The following VWA8 variants were observed in gnomAD, a reference collection of about 807,000 sequenced individuals.
The protein encoded by VWA8 is von Willebrand factor A domain containing 8.
In VWA8, 221 loss-of-function variants were observed where a neutral mutation model predicts 241.5. The observed-to-expected ratio is 0.91, with a 90% confidence interval of 0.82 to 1.02. The LOEUF (loss-of-function observed/expected upper bound fraction) is 1.02. Among genes scored for constraint, VWA8 ranks in the 50% least tolerant of loss-of-function variants. The probability of loss-of-function intolerance (pLI) is 0.00; values close to 1 mark genes in which losing one functional copy is unlikely to be tolerated. For missense variants in VWA8, 2,322 were observed against 2,328.7 expected (o/e 1.00, Z 0.06); for synonymous variants, 852 against 827.1 (o/e 1.03, Z -0.52).
chr13:41,944,833 A>AACC (rs1593888231), intron 2 of VWA8, among the ~76,000 whole-genome samples: 1 of 130,738 alleles, frequency 7.6e-6, no homozygotes, highest in East Asian at 2.4e-4. Flanking sequence ...TGTCAAAAAA[A>AACC]ATCAACAATT....
At chr13:41,764,813 G>A (rs75088064) in intron 20 of VWA8, among the ~76,000 whole-genome samples, 24,664 of 151,982 alleles carry the variant, frequency 0.16, 2,131 homozygotes, top group Non-Finnish European at 0.2. Context: ...CCACTTAAAA[G>A]AGTTAGAACT....
chr13:41,834,041 T>C (rs1871605963), intron 12 of VWA8, among the ~76,000 whole-genome samples: 1 of 152,206 alleles, frequency 6.6e-6, no homozygotes, highest in Non-Finnish European at 1.5e-5. Flanking sequence ...ACCATCACAA[T>C]GACTCATTTT....
chr13:41,639,520 C>T (rs1257467161), intron 37 of VWA8, among the ~76,000 whole-genome samples: 21 of 152,164 alleles, frequency 1.4e-4, no homozygotes, highest in Non-Finnish European at 2.6e-4. Context: ...CCTGTAGGCA[C>T]CTTAAAGGCT....
At chr13:41,897,546 A>G (rs1455480026) in intron 4 of VWA8, among the ~76,000 whole-genome samples, 1 of 152,232 alleles carries the variant, frequency 6.6e-6, no homozygotes, top group Non-Finnish European at 1.5e-5. Context: ...CAATATATGG[A>G]CTGAATAGAT....
At chr13:41,631,961 C>T (rs916056864) in intron 37 of VWA8, among the ~76,000 whole-genome samples, 1 of 152,108 alleles carries the variant, frequency 6.6e-6, no homozygotes, top group Non-Finnish European at 1.5e-5. Context: ...ATGGGTAGGG[C>T]AAGCTGTCAG....
At chr13:41,601,930 C>A (rs760615473) in intron 40 of VWA8, among the ~76,000 whole-genome samples, 1 of 152,074 alleles carries the variant, frequency 6.6e-6, no homozygotes, top group Admixed American at 6.6e-5. Context: ...AAACTTTGTG[C>A]CGTTCACCAA....
At chr13:41,676,267 G>T (rs746529721) in intron 35 of VWA8, among the ~76,000 whole-genome samples, 6 of 152,092 alleles carry the variant, frequency 3.9e-5, no homozygotes. Flanking sequence ...GCATTATTTT[G>T]GTTGTATCTG....
intron 12 of VWA8, among the ~76,000 whole-genome samples, 175 bp from the exon 13 acceptor site, chr13:41,833,706 T>C (rs1593803422): frequency 6.6e-6 from 1 of 152,182 alleles, no homozygotes; most frequent in Non-Finnish European, 1.5e-5. Flanking sequence ...AAGCTTTTTT[T>C]TGGTCATTTT....
intron 34 of VWA8, 42 bp from the exon 35 acceptor site, chr13:41,685,284 C>A: frequency 1.9e-6 from 3 of 1,559,160 alleles, no homozygotes; most frequent in African/African-American, 1.4e-5. Flanking sequence ...GTACCATATA[C>A]TACATTCACC....
At chr13:41,620,727 G>A (rs1479696916) in intron 37 of VWA8, among the ~76,000 whole-genome samples, 1 of 152,058 alleles carries the variant, frequency 6.6e-6, no homozygotes, top group Non-Finnish European at 1.5e-5. Context: ...ATCTATGGCT[G>A]GTTTTTAATA....
At chr13:41,589,744 C>T (rs1049443271) in intron 41 of VWA8, among the ~76,000 whole-genome samples, 1 of 152,200 alleles carries the variant, frequency 6.6e-6, no homozygotes, top group Non-Finnish European at 1.5e-5. Flanking sequence ...TGTCAACACA[C>T]CTGGACAGAC....
At chr13:41,818,917 C>T (rs955798699) in intron 15 of VWA8, among the ~76,000 whole-genome samples, 1 of 152,080 alleles carries the variant, frequency 6.6e-6, no homozygotes, top group Non-Finnish European at 1.5e-5. Context: ...GTTCCCAGAC[C>T]AGCAGCATCA....
At chr13:41,927,419 G>A in intron 2 of VWA8, 1 of 432,344 alleles carries the variant, frequency 2.3e-6, no homozygotes, top group Non-Finnish European at 4.7e-6. Context: ...AGGTCTGCAA[G>A]GGAATTCTTG....
intron 20 of VWA8, among the ~76,000 whole-genome samples, chr13:41,771,350 T>C (rs2045821607): frequency 6.6e-6 from 1 of 152,186 alleles, no homozygotes; most frequent in South Asian, 2.1e-4. Context: ...CTCAAACTCC[T>C]GACCTCAGGT....
At chr13:41,639,501 A>C (rs1048119387) in intron 37 of VWA8, among the ~76,000 whole-genome samples, 1 of 152,150 alleles carries the variant, frequency 6.6e-6, no homozygotes, top group African/African-American at 2.4e-5. Context: ...TGCTTTCTCC[A>C]CCTGCTAACC....
chr13:41,698,839 T>C (rs1260666767), intron 29 of VWA8, among the ~76,000 whole-genome samples: 1 of 152,076 alleles, frequency 6.6e-6, no homozygotes, highest in Non-Finnish European at 1.5e-5. Flanking sequence ...AGTGTCGAGG[T>C]TGAAAAACCC....
chr13:41,798,921 G>C (rs1324034783), intron 17 of VWA8, among the ~76,000 whole-genome samples: 2 of 151,978 alleles, frequency 1.3e-5, no homozygotes, highest in Non-Finnish European at 2.9e-5. Flanking sequence ...AGTGCTTATT[G>C]AATTTTGTTT....
Position 41,591,308 on chromosome 13 carries a change from T to C in VWA8, c.4987-543A>G, listed in dbSNP as rs1334466964. ...TTTTCAGAAATCTTCTGGATTACTT[T>C]TCTAAAAGTTTTTTCACATAATACT... On this transcript the variant is annotated intron_variant, in intron 40 of 44. Coordinates refer to ENST00000379310, the MANE Select transcript of VWA8 (RefSeq NM_015058.2). 2.6e-5 allele frequency among the ~76,000 whole-genome samples: 4 copies of C among 151,042 alleles called. No homozygotes were observed. In the East Asian group the frequency reaches 7.9e-4, roughly 30 times the overall value.
rs780827327 is a variant in VWA8, at chr13:41,692,898, T to C, written c.3639A>G (p.Thr1213=). The stretch of plus-strand genomic sequence containing the variant: ...TGTTCCACCAGAAAGGTTTCTTAGA[T>C]GTAAACTTCTCGGAAGGGAGGATGA... The part of the protein sequence containing the change: ...HRLILPSEKF[T]SKKPFWWNKE... Residue 1213 remains threonine, a synonymous_variant, in exon 30 of 45, where the codon ACA becomes ACG. Coordinates refer to ENST00000379310, the MANE Select transcript of VWA8 (RefSeq NM_015058.2). 6 of 1,611,598 alleles carry C rather than the reference T, an allele frequency of 3.7e-6. No individual in the cohort carries two copies. Among genetic ancestry groups the C allele is most frequent in the Non-Finnish European group, 2.5e-6 (3 of 1,178,442 alleles).
Sources: gnomAD v4.1 joint callset for allele counts (sites outside exome capture counted in the v4.1 genomes callset) on GRCh38, gnomAD v4.1.1 for gene constraint, MANE v1.5 for transcripts, NCBI Gene and HGNC (gene_info 2026-07-23, HGNC 2026-07-21) for gene names.